The following EHF variants were observed in gnomAD, a reference collection of about 807,000 sequenced individuals.
EHF encodes the protein ESE3 transcription factor.
A neutral mutation model predicts 45.1 loss-of-function variants in EHF; 14 were observed. That is an observed-to-expected ratio of 0.31 (90% CI 0.21 to 0.49). EHF has a LOEUF of 0.49. Among genes scored for constraint, EHF ranks in the 20% least tolerant of loss-of-function variants. The pLI is 0.99. For missense variants in EHF, 282 were observed against 371.4 expected, an observed-to-expected ratio of 0.76 and a Z score of 1.98; for synonymous variants, 136 against 131.8, an observed-to-expected ratio of 1.03 and a Z score of -0.22.
rs769868390 is a variant in EHF at position 34,646,638 on chromosome 11, G to A, written c.297G>A (p.Thr99=). The change falls in exon 3 of 9, where the codon ACG becomes ACA. Residue 99 remains threonine, a synonymous_variant. Coordinates refer to ENST00000257831, the MANE Select transcript of EHF (RefSeq NM_012153.6). The part of the protein sequence containing the change: ...SLQEFTRAAG[T]AGQLLYSNLQ... ...AGGAGTTCACCCGGGCGGCAGGGAC[G>A]GCGGGGCAGCTCCTCTACAGCAACT... 36 of 1,613,376 alleles carry A rather than the reference G, an allele frequency of 2.2e-5. No homozygotes were observed. Among genetic ancestry groups the A allele is most frequent in the East Asian group, 6.7e-5 (3 of 44,878 alleles).
chr11:34,657,762 C>G (rs1855799845), intron 7 of EHF, among the ~76,000 whole-genome samples: 1 of 151,298 alleles, frequency 6.6e-6, no homozygotes, highest in Non-Finnish European at 1.5e-5. Flanking sequence ...TGTACTCCAG[C>G]TTGGGCCACA....
At chr11:34,633,403 A>C (rs557924813) in intron 1 of EHF, among the ~76,000 whole-genome samples, 1 of 152,060 alleles carries the variant, frequency 6.6e-6, no homozygotes, top group Non-Finnish European at 1.5e-5. Flanking sequence ...TGGGAAAGGG[A>C]AGGGAGGCAA....
Position 34,646,576 on chromosome 11 carries a change from G to T in EHF, c.235G>T (p.Asp79Tyr), listed in dbSNP as rs371284215. ...CAATTGTATCCCTTTCCAAGAGTTC[G>T]ACATCAACGGCGAGCACCTCTGCAG... ...DANCIPFQEF[D>Y]INGEHLCSMS... The change falls in exon 3 of 9, where the codon GAC (aspartate) becomes TAC (tyrosine). Residue 79 changes from aspartate to tyrosine, a missense_variant. By Grantham distance (160) the Asp-to-Tyr change is radical. Around this residue, in one of 3 missense-constraint regions of EHF, gnomAD observed 213 missense variants for 247.3 expected, o/e 0.86. Transcript: ENST00000257831. 1.5e-5 allele frequency: 24 copies of T among 1,613,498 alleles called. No individual in the cohort carries two copies. The highest frequency in any genetic ancestry group is 1.8e-5 in the Non-Finnish European group (21 of 1,179,770).
At chr11:34,637,282 G>A (rs1486725790) in intron 1 of EHF, among the ~76,000 whole-genome samples, 3 of 152,160 alleles carry the variant, frequency 2.0e-5, no homozygotes, top group Non-Finnish European at 4.4e-5. Flanking sequence ...GGTGGTCAGG[G>A]TGGTGCTTTT....
At chr11:34,644,841 C>G (rs564038932) in intron 2 of EHF, among the ~76,000 whole-genome samples, 1 of 152,238 alleles carries the variant, frequency 6.6e-6, no homozygotes, top group Non-Finnish European at 1.5e-5. Flanking sequence ...TCAGGCCTTG[C>G]CCCAGACCTG....
chr11:34,628,097 G>A (rs986111731), intron 1 of EHF, among the ~76,000 whole-genome samples: 1 of 152,048 alleles, frequency 6.6e-6, no homozygotes, highest in Admixed American at 6.5e-5. Flanking sequence ...AAAAATACAG[G>A]TGTGGTAGCA....
At chr11:34,643,627 C>T (rs1272205540) in intron 2 of EHF, among the ~76,000 whole-genome samples, 2 of 152,206 alleles carry the variant, frequency 1.3e-5, no homozygotes, top group Non-Finnish European at 2.9e-5. Context: ...GGAGCTCCAC[C>T]TCTTTTAATT....
At position 34,663,062 on chromosome 11, in the gene EHF, A is replaced by G. The variant is rs1478690532; in HGVS notation, c.*4131A>G. Among the ~76,000 whole-genome samples, 4 of 152,160 alleles carry G rather than the reference A, an allele frequency of 2.6e-5. No individual in the cohort carries two copies. The highest frequency in any genetic ancestry group is 4.4e-5 in the Non-Finnish European group (3 of 68,018). On this transcript the variant is annotated 3_prime_UTR_variant, in exon 9 of 9. Transcript: ENST00000257831. ...GATTAATCTTTCTGTAGTTATCTGCATAATTCTTGTTTTTCTTTCCATCTG... is the reference window on the plus strand; with the variant it reads ...GATTAATCTTTCTGTAGTTATCTGCGTAATTCTTGTTTTTCTTTCCATCTG...
intron 1 of EHF, among the ~76,000 whole-genome samples, chr11:34,637,688 T>C (rs1853580313): frequency 6.6e-6 from 1 of 152,178 alleles, no homozygotes; most frequent in Non-Finnish European, 1.5e-5. Context: ...GGGCTCCTTC[T>C]CTTCAAATAA....
At chr11:34,628,211 C>T (rs1306969343) in intron 1 of EHF, among the ~76,000 whole-genome samples, 1 of 151,892 alleles carries the variant, frequency 6.6e-6, no homozygotes, top group East Asian at 1.9e-4. Flanking sequence ...GCACTCTAGC[C>T]TGAGCAACAG....
chr11:34,661,367 C>T lies in EHF; in HGVS notation c.*2436C>T, dbSNP rs184292121. On this transcript the variant is annotated 3_prime_UTR_variant, in exon 9 of 9. Transcript: ENST00000257831. ...ATCCTTCGCTGACTTCACCATTCCTCAAACCTGTAAGTTTCTCACTTCTTC... is the reference window on the plus strand; with the variant it reads ...ATCCTTCGCTGACTTCACCATTCCTTAAACCTGTAAGTTTCTCACTTCTTC... Among the ~76,000 whole-genome samples the T allele has an allele frequency of 6.6e-6, 1 of 152,322 alleles. No individual in the cohort carries two copies. Among genetic ancestry groups the T allele is most frequent in the Admixed American group, 6.5e-5 (1 of 15,282 alleles).
At chr11:34,651,415 A>G in intron 4 of EHF, 127 bp from the exon 5 acceptor site, 1 of 723,706 alleles carries the variant, frequency 1.4e-6, no homozygotes, top group South Asian at 1.7e-5. Flanking sequence ...GCAGAATCAT[A>G]TCCCTTGTCT....
At chr11:34,651,695 G>T (rs12721521) in intron 5 of EHF, 42 bp from the exon 6 acceptor site, 27 of 1,610,770 alleles carry the variant, frequency 1.7e-5, no homozygotes, top group Non-Finnish European at 2.2e-5. Flanking sequence ...GAGGTGGGGG[G>T]AGGGGGTGCT....
At chr11:34,640,610 A>G (rs1590468450) in intron 1 of EHF, among the ~76,000 whole-genome samples, 2 of 152,180 alleles carry the variant, frequency 1.3e-5, no homozygotes, top group African/African-American at 2.4e-5. Context: ...GAAGTTCCCA[A>G]TCTGATTTCT....
rs1285000224 is a variant in EHF at position 34,659,044 on chromosome 11, A to AG, written c.*117dup. The AG allele has an allele frequency of 8.9e-5, 71 of 797,036 alleles. No individual in the cohort carries two copies. In the East Asian group the frequency reaches 1.7e-3, roughly 20 times the overall value. The allele number at this position is 797,036 out of a possible 1,614,324, so 49.4% of individuals were successfully genotyped here. On this transcript the variant is annotated 3_prime_UTR_variant, in exon 9 of 9. Coordinates refer to ENST00000257831, the MANE Select transcript of EHF (RefSeq NM_012153.6). The stretch of plus-strand genomic sequence containing the variant: ...TTTTCTCTGATATTTATGTACCATG[A>AG]GGGGAACAAGAAACTACTTCTAACG...
At position 34,656,077 on chromosome 11, in the gene EHF, CAT is replaced by C. The variant is rs1034589411; in HGVS notation, c.545-827_545-826del. ...ATACACACACACACACACACACACACATATACACACACACACTCACACTCACA... is the reference window on the plus strand; with the variant it reads ...ATACACACACACACACACACACACACATACACACACACACTCACACTCACA... On this transcript the variant is annotated intron_variant, in intron 6 of 8. Coordinates refer to ENST00000257831, the MANE Select transcript of EHF (RefSeq NM_012153.6). 1.9e-4 allele frequency among the ~76,000 whole-genome samples: 26 copies of C among 134,608 alleles called. No individual in the cohort carries two copies. The East Asian group carries it at 4.3e-3, about 22-fold the overall frequency. The allele number at this position is 134,608 out of a possible 152,430, so 88.3% of individuals were successfully genotyped here.
At chr11:34,656,592 G>C (rs1048501786) in intron 6 of EHF, among the ~76,000 whole-genome samples, 1 of 150,322 alleles carries the variant, frequency 6.7e-6, no homozygotes, top group Non-Finnish European at 1.5e-5. Context: ...CACATGGAAG[G>C]CTGTTGCACA....
chr11:34,650,310 G>A (rs933371020), intron 4 of EHF, among the ~76,000 whole-genome samples: 10 of 152,148 alleles, frequency 6.6e-5, no homozygotes, highest in Admixed American at 2.0e-4. Context: ...GCTCATAGAG[G>A]GGCCAACACC....
At chr11:34,635,540 C>T (rs988361099) in intron 1 of EHF, among the ~76,000 whole-genome samples, 1 of 148,754 alleles carries the variant, frequency 6.7e-6, no homozygotes, top group Non-Finnish European at 1.5e-5. Flanking sequence ...CAACCTCTAC[C>T]TCCCGGGTTC....
Sources: gnomAD v4.1 joint callset for allele counts (sites outside exome capture counted in the v4.1 genomes callset) on GRCh38, gnomAD v4.1.1 for gene constraint, gnomAD v4.1.1 regional missense constraint, MANE v1.5 for transcripts, NCBI Gene and HGNC (gene_info 2026-07-23, HGNC 2026-07-21) for gene names.